The following TENT4A variants were observed in gnomAD, a reference collection of about 807,000 sequenced individuals.
The protein encoded by TENT4A is DNA polymerase kappa.
TENT4A carries 7 observed loss-of-function variants against 72.8 expected under a neutral mutation model. The observed-to-expected ratio is 0.10, with a 90% CI of 0.05 to 0.18. The LOEUF is 0.18. Among genes scored for constraint, TENT4A ranks in the 10% least tolerant of loss-of-function variants. The pLI is 1.00. For missense variants in TENT4A, 831 were observed against 1,017.7 expected, an observed-to-expected ratio of 0.82 and a Z score of 2.50; for synonymous variants, 456 against 434.3, an observed-to-expected ratio of 1.05 and a Z score of -0.62.
intron 3 of TENT4A, among the ~76,000 whole-genome samples, chr5:6,739,128 C>T (rs779188006): frequency 6.6e-6 from 1 of 152,122 alleles, no homozygotes; most frequent in Non-Finnish European, 1.5e-5. Context: ...GTATTTTTAC[C>T]TGATAGGAAA....
At chr5:6,753,870 G>A (rs1394965392) in intron 12 of TENT4A, among the ~76,000 whole-genome samples, 1 of 152,208 alleles carries the variant, frequency 6.6e-6, no homozygotes, top group Non-Finnish European at 1.5e-5. Context: ...ACACATTCAG[G>A]GTGAAAGAAC....
intron 4 of TENT4A, among the ~76,000 whole-genome samples, chr5:6,740,414 T>C (rs1295149419): frequency 1.3e-5 from 2 of 152,218 alleles, no homozygotes; most frequent in Non-Finnish European, 2.9e-5. Flanking sequence ...CCAGGGACTA[T>C]GAGGTACTTG....
At position 6,752,982 on chromosome 5, in the gene TENT4A, C is replaced by T. The variant is rs150204125; in HGVS notation, c.2129C>T (p.Pro710Leu). 3.9e-5 allele frequency: 63 copies of T among 1,614,070 alleles called. No homozygotes were observed. Among genetic ancestry groups the T allele is most frequent in the Middle Eastern group, 1.6e-4 (1 of 6,084 alleles). ...AAAGCCGTCCACCACATGTCTTCCC[C>T]GGCCATTCCCTCAGCGTCCCCCAAC... ...SLKAVHHMSS[P>L]AIPSASPNPL... The change falls in exon 12 of 13, where the codon CCG (proline) becomes CTG (leucine). Residue 710 changes from proline (P) to leucine (L), a missense_variant. This residue lies in a region of TENT4A where 332 missense variants were observed against 324.3 expected (regional missense o/e 1.02). Transcript: ENST00000230859.
intron 12 of TENT4A, among the ~76,000 whole-genome samples, chr5:6,753,482 G>A (rs928472160): frequency 1.3e-5 from 2 of 152,250 alleles, no homozygotes; most frequent in African/African-American, 4.8e-5. Context: ...CGTCAGGGCT[G>A]GCAGAGCTGT....
In TENT4A at chr5:6,714,313, CTCG is replaced by C. The variant is rs1362696349; in HGVS notation, c.339_341del (p.Ser117del). On this transcript the variant is annotated inframe_deletion, in exon 1 of 13. Transcript: ENST00000230859. ...TGCACAAGTCGCCGTCGCTGTCGTC[CTCG>C]TCGTCGTCCTCCTCGTCCAACGCGG... is the stretch of plus-strand genomic sequence containing the variant. 4 of 1,111,102 alleles carry C rather than the reference CTCG, an allele frequency of 3.6e-6. No individual in the cohort carries two copies. The highest frequency in any genetic ancestry group is 5.1e-5 in the Admixed American group (1 of 19,796). 68.8% of individuals were successfully genotyped at this position (1,111,102 alleles called of 1,614,324 possible).
Position 6,750,434 on chromosome 5 carries a change from G to C in TENT4A, c.1791G>C (p.Leu597=), listed in dbSNP as rs561364679. The C allele has an allele frequency of 4.5e-5, 72 of 1,612,598 alleles. No homozygotes were observed. In the South Asian group the frequency reaches 6.9e-4, roughly 16 times the overall value. ...SPYGQRLTLS[L]SSPQLLSSGS... ...ATGGCCAGCGCTTGACTTTGTCGCT[G>C]TCCAGCCCCCAGCTCCTGTCTTCAG... Residue 597 remains leucine, a synonymous_variant, in exon 10 of 13, where the codon CTG becomes CTC. Coordinates refer to ENST00000230859, the MANE Select transcript of TENT4A (RefSeq NM_006999.6).
Position 6,748,485 on chromosome 5 carries a change from C to T in TENT4A, c.1481C>T (p.Ser494Phe). The T allele has an allele frequency of 6.2e-7, 1 of 1,614,104 alleles. No individual in the cohort carries two copies. Among genetic ancestry groups the T allele is most frequent in the Non-Finnish European group, 8.5e-7 (1 of 1,180,014 alleles). Reference sequence around the variant, plus strand: ...GCAGGGAATGACGTTGGCCGGAGCTCCTATGGCGCCATGCAGGTGAAGCAG... The same window carrying T: ...GCAGGGAATGACGTTGGCCGGAGCTTCTATGGCGCCATGCAGGTGAAGCAG... ...LLPGNDVGRS[S>F]YGAMQVKQVF... Residue 494 changes from serine to phenylalanine, a missense_variant, in exon 8 of 13, where the codon TCC becomes TTC. This residue lies in a region of TENT4A where 197 missense variants were observed against 399.6 expected (regional missense o/e 0.49). Transcript: ENST00000230859.
chr5:6,728,182 G>T (rs143038837), intron 1 of TENT4A, among the ~76,000 whole-genome samples: 1 of 152,186 alleles, frequency 6.6e-6, no homozygotes, highest in Non-Finnish European at 1.5e-5. Context: ...CCTCTGAGCT[G>T]TCTGTAGAAT....
At chr5:6,735,939 T>A (rs1741463819) in intron 1 of TENT4A, among the ~76,000 whole-genome samples, 1 of 152,098 alleles carries the variant, frequency 6.6e-6, no homozygotes, top group Middle Eastern at 3.2e-3. Context: ...TTTTTTCTAT[T>A]TTTAGCAGAG....
intron 1 of TENT4A, among the ~76,000 whole-genome samples, chr5:6,734,986 C>G (rs1459561715): frequency 1.3e-5 from 2 of 152,112 alleles, no homozygotes; most frequent in Admixed American, 1.3e-4. Context: ...AGGGGATGCC[C>G]CTGAGGGTGG....
chr5:6,742,442 T>C, intron 4 of TENT4A, 48 bp from the exon 5 acceptor site: 1 of 1,191,522 alleles, frequency 8.4e-7, no homozygotes. Flanking sequence ...TGCCTGGCTG[T>C]GGAGAGTCCT....
At chr5:6,722,220 G>A (rs1740688355) in intron 1 of TENT4A, among the ~76,000 whole-genome samples, 1 of 152,146 alleles carries the variant, frequency 6.6e-6, no homozygotes, top group Non-Finnish European at 1.5e-5. Flanking sequence ...ACCTCAGAGA[G>A]TACATGAAAG....
chr5:6,733,365 G>T (rs1253911272), intron 1 of TENT4A, among the ~76,000 whole-genome samples: 1 of 151,990 alleles, frequency 6.6e-6, no homozygotes, highest in Non-Finnish European at 1.5e-5. Flanking sequence ...TGGCATGCCT[G>T]GGGGGCAGCA....
intron 1 of TENT4A, among the ~76,000 whole-genome samples, chr5:6,731,216 G>A (rs1327969905): frequency 6.6e-6 from 1 of 152,222 alleles, no homozygotes; most frequent in African/African-American, 2.4e-5. Flanking sequence ...CTAGTTTTAA[G>A]GGTTTTGAAG....
chr5:6,727,508 G>T (rs185004361), intron 1 of TENT4A, among the ~76,000 whole-genome samples: 39 of 152,278 alleles, frequency 2.6e-4, no homozygotes, highest in Admixed American at 2.1e-3. Context: ...CTTAGACTCC[G>T]CTGCTTGGGC....
chr5:6,749,384 T>A (rs1742273350), intron 8 of TENT4A, among the ~76,000 whole-genome samples, 173 bp from the exon 9 acceptor site: 2 of 152,234 alleles, frequency 1.3e-5, no homozygotes, highest in Non-Finnish European at 2.9e-5. Context: ...AGGGTATGCT[T>A]GAGCTGAATC....
At chr5:6,742,396 A>G in intron 4 of TENT4A, 94 bp from the exon 5 acceptor site, 1 of 778,768 alleles carries the variant, frequency 1.3e-6, no homozygotes, top group East Asian at 2.6e-5. Flanking sequence ...CTAAGAAAAA[A>G]CACCAAACCT....
intron 1 of TENT4A, among the ~76,000 whole-genome samples, chr5:6,718,788 G>A (rs951394283): frequency 1.3e-5 from 2 of 152,228 alleles, no homozygotes; most frequent in African/African-American, 4.8e-5. Flanking sequence ...CTGGAGTTGA[G>A]GAAAGTTTTG....
intron 2 of TENT4A, among the ~76,000 whole-genome samples, 199 bp downstream of exon 2, chr5:6,737,832 C>T (rs1490642822): frequency 6.6e-6 from 1 of 152,084 alleles, no homozygotes; most frequent in East Asian, 1.9e-4. Context: ...CTGTCTTAGA[C>T]ACCTGCGGTG....
Sources: gnomAD v4.1 joint callset for allele counts (sites outside exome capture counted in the v4.1 genomes callset) on GRCh38, gnomAD v4.1.1 for gene constraint, gnomAD v4.1.1 regional missense constraint, MANE v1.5 for transcripts, NCBI Gene and HGNC (gene_info 2026-07-23, HGNC 2026-07-21) for gene names.